Variants in HMCES observed in about 807,000 individuals in gnomAD.
HMCES encodes the protein 5-hydroxymethylcytosine binding, ES cell specific, also known as abasic site processing protein HMCES.
HMCES carries 27 observed loss-of-function variants against 35.1 expected under a neutral mutation model. That is an observed-to-expected ratio of 0.77 (90% CI 0.57 to 1.06). The LOEUF (loss-of-function observed/expected upper bound fraction) is 1.06. HMCES is among the 50% of genes least tolerant of loss of function. The probability of loss-of-function intolerance (pLI) is 0.00; values close to 1 mark genes in which losing one functional copy is unlikely to be tolerated. For synonymous variants in HMCES, 130 were observed against 154.7 expected (o/e 0.84, Z 1.18); for missense variants, 391 against 430.4 (o/e 0.91, Z 0.81).
chr3:129,291,947 C>G (rs1186493101), intron 4 of HMCES, among the ~76,000 whole-genome samples: 2 of 151,998 alleles, frequency 1.3e-5, no homozygotes. Context: ...AAAAAATTAG[C>G]TGGGCGTGGT....
chr3:129,304,715 C>A lies in HMCES; in HGVS notation c.955C>A (p.Leu319Met), dbSNP rs768287038. 6.2e-7 allele frequency: 1 copy of A among 1,614,158 alleles called. No individual in the cohort carries two copies. The highest frequency in any genetic ancestry group is 2.2e-5 in the East Asian group (1 of 44,892). ...TGTTCCCCAGTGGTCCAGTCAGTTC[C>A]TGCAGAAGAGTCCACTCCCCACCAA... is the stretch of plus-strand genomic sequence containing the variant. ...SDVPQWSSQF[L>M]QKSPLPTKRG... The change falls in exon 7 of 7, where the codon CTG (leucine) becomes ATG (methionine). Residue 319 changes from leucine (L) to methionine (M), a missense_variant. Physicochemically the swap from Leu to Met is conservative, Grantham distance 15 (BLOSUM62 2). Coordinates refer to ENST00000383463, the MANE Select transcript of HMCES (RefSeq NM_020187.3).
chr3:129,286,229 G>T (rs1209790176), intron 2 of HMCES, among the ~76,000 whole-genome samples: 1 of 152,206 alleles, frequency 6.6e-6, no homozygotes, highest in Non-Finnish European at 1.5e-5. Context: ...CCCCCAAGAT[G>T]ATGGTATTAG....
rs538180439 is a variant in HMCES at position 129,290,900 on chromosome 3, T to C, written c.453+96T>C. 8 of 1,293,064 alleles carry C rather than the reference T, an allele frequency of 6.2e-6. 2 individuals carry two copies. In the South Asian group the frequency reaches 1.1e-4, roughly 17 times the overall value. 80.1% of individuals were successfully genotyped at this position (1,293,064 alleles called of 1,614,324 possible). On this transcript the variant is annotated intron_variant, in intron 4 of 6. Transcript: ENST00000383463. ...TTTTCTTCCCCATAGTTTTATTTAT[T>C]TATTTTAAAATAACAGCTTTGGCCC...
At chr3:129,291,605 A>G (rs1035027129) in intron 4 of HMCES, among the ~76,000 whole-genome samples, 1 of 152,234 alleles carries the variant, frequency 6.6e-6, no homozygotes, top group African/African-American at 2.4e-5. Context: ...TAATTCATTC[A>G]TCAGTTGATA....
chr3:129,291,276 G>GC (rs2071012306), intron 4 of HMCES, among the ~76,000 whole-genome samples: 3 of 152,140 alleles, frequency 2.0e-5, no homozygotes, highest in South Asian at 4.1e-4. Context: ...TTTAAAATGT[G>GC]CAATTCAGGA....
chr3:129,279,252 G>A lies in HMCES; in HGVS notation c.-24+347G>A, dbSNP rs1034476789. On this transcript the variant is annotated intron_variant, in intron 1 of 6. Coordinates refer to ENST00000383463, the MANE Select transcript of HMCES (RefSeq NM_020187.3). This position sits in a 1 kb window ranked among gnomAD's most constrained non-coding sequence, Gnocchi z 4.2. ...GCTGCGGACTAGCGGGCGGGAGGCG[G>A]GGATTCTGCACCCCGGCCCCGGGCC... 1 of 156,308 alleles carries A rather than the reference G, an allele frequency of 6.4e-6. No homozygotes were observed. Among genetic ancestry groups the A allele is most frequent in the African/African-American group, 2.4e-5 (1 of 41,480 alleles). The allele number at this position is 156,308 out of a possible 1,614,324, so 9.7% of individuals were successfully genotyped here. A position where few individuals can be genotyped will look rare whatever the true frequency, so the allele number is the denominator to read the frequency against.
At chr3:129,301,058 G>A (rs1428282413) in intron 5 of HMCES, among the ~76,000 whole-genome samples, 1 of 147,352 alleles carries the variant, frequency 6.8e-6, no homozygotes, top group African/African-American at 2.6e-5. Context: ...CGGGCATGGT[G>A]GTGGGTGCCT....
intron 3 of HMCES, among the ~76,000 whole-genome samples, chr3:129,290,278 A>G (rs1435787709): frequency 7.4e-6 from 1 of 135,702 alleles, no homozygotes; most frequent in Non-Finnish European, 1.5e-5. Flanking sequence ...GATTTTATGT[A>G]TTTATTTGTT....
chr3:129,294,185 A>G (rs532164405), intron 4 of HMCES, among the ~76,000 whole-genome samples: 4 of 152,114 alleles, frequency 2.6e-5, no homozygotes, highest in African/African-American at 9.6e-5. Context: ...TTGGGAGGCT[A>G]AGGCGGGCGG....
intron 3 of HMCES, among the ~76,000 whole-genome samples, chr3:129,289,621 T>A (rs1465206946): frequency 1.3e-5 from 2 of 152,120 alleles, no homozygotes; most frequent in African/African-American, 2.4e-5. Context: ...GTGATCCACC[T>A]GTCTGGGCCT....
At chr3:129,299,183 A>G (rs1312445500) in intron 5 of HMCES, among the ~76,000 whole-genome samples, 2 of 152,112 alleles carry the variant, frequency 1.3e-5, no homozygotes, top group Non-Finnish European at 2.9e-5. Flanking sequence ...TACAATAAAT[A>G]TGGCACTTTA....
chr3:129,282,804 G>A (rs1207154200), intron 2 of HMCES, among the ~76,000 whole-genome samples: 1 of 152,178 alleles, frequency 6.6e-6, no homozygotes, highest in Admixed American at 6.5e-5. Context: ...CCACCCCAGT[G>A]CTACCAGGTG....
Position 129,281,618 on chromosome 3 carries a change from G to A in HMCES, c.183+1703G>A, listed in dbSNP as rs993858790. Among the ~76,000 whole-genome samples the A allele has an allele frequency of 2.0e-5, 3 of 152,110 alleles. No individual in the cohort carries two copies. In the South Asian group the frequency reaches 6.2e-4, roughly 31 times the overall value. On this transcript the variant is annotated intron_variant, in intron 2 of 6. Transcript: ENST00000383463. Reference sequence around the variant, plus strand: ...AGGCAGGAGAATCGCTTGAACCCGGGAGGCGAAGGTTGGGGTGAGCCAAGA... The same window carrying A: ...AGGCAGGAGAATCGCTTGAACCCGGAAGGCGAAGGTTGGGGTGAGCCAAGA...
intron 5 of HMCES, 105 bp downstream of exon 5, chr3:129,298,640 T>G (rs2071123335): frequency 4.3e-6 from 4 of 936,118 alleles, no homozygotes; most frequent in Non-Finnish European, 6.4e-6. Context: ...TTTTACAACG[T>G]AAAGTTACAA....
At chr3:129,292,838 C>T (rs762741072) in intron 4 of HMCES, among the ~76,000 whole-genome samples, 6 of 152,102 alleles carry the variant, frequency 3.9e-5, no homozygotes, top group Non-Finnish European at 7.3e-5. Flanking sequence ...TCCAGCTCAA[C>T]TCTGTCTCCC....
Position 129,298,532 on chromosome 3 carries a change from A to G in HMCES, c.632A>G (p.His211Arg), listed in dbSNP as rs2071121577. The G allele has an allele frequency of 6.2e-7, 1 of 1,613,144 alleles. No individual in the cohort carries two copies. Among genetic ancestry groups the G allele is most frequent in the Non-Finnish European group, 8.5e-7 (1 of 1,179,218 alleles). ...DSCKGLSDIH[H>R]RMPAILDGEE... is the part of the protein sequence containing the mutation. ...TGCAAAGGCTTGAGTGACATCCACC[A>G]CAGGCAAGTCATACTTCTTAGCCCT... The change falls in exon 5 of 7, where the codon CAC becomes CGC. Residue 211 changes from histidine to arginine, a missense_variant. Transcript: ENST00000383463.
intron 4 of HMCES, among the ~76,000 whole-genome samples, chr3:129,294,879 C>T (rs886479838): frequency 1.3e-5 from 2 of 152,096 alleles, no homozygotes; most frequent in Admixed American, 6.5e-5. Context: ...TCATCAGGGC[C>T]GGGCACAGTG....
chr3:129,302,495 A>G (rs2071181907), intron 6 of HMCES, among the ~76,000 whole-genome samples: 1 of 151,998 alleles, frequency 6.6e-6, no homozygotes, highest in Admixed American at 6.6e-5. Context: ...CAAGTGGATC[A>G]CGAGGTCAAC....
At chr3:129,282,470 G>A (rs956717172) in intron 2 of HMCES, among the ~76,000 whole-genome samples, 1 of 152,126 alleles carries the variant, frequency 6.6e-6, no homozygotes, top group Non-Finnish European at 1.5e-5. Context: ...CCAGACCACC[G>A]TCCCCACTCC....
Sources: gnomAD v4.1 joint callset for allele counts (sites outside exome capture counted in the v4.1 genomes callset) on GRCh38, gnomAD v4.1.1 for gene constraint, Gnocchi (gnomAD v3.1) non-coding constraint, MANE v1.5 for transcripts, NCBI Gene and HGNC (gene_info 2026-07-23, HGNC 2026-07-21) for gene names.